Variants in MYO16 observed in about 807,000 individuals in gnomAD.
MYO16 encodes the protein unconventional myosin-XVI.
A neutral mutation model predicts 205.3 loss-of-function variants in MYO16; 94 were observed. The ratio of observed to expected loss-of-function variants is 0.46; its 90% CI spans 0.39 to 0.54. The LOEUF (loss-of-function observed/expected upper bound fraction) is 0.54. MYO16 is among the 20% of genes least tolerant of loss of function. The pLI, the probability that MYO16 is intolerant of heterozygous loss-of-function variation, is 0.00. For synonymous variants in MYO16, 988 were observed against 954.0 expected (o/e 1.04, Z -0.66); for missense variants, 2,315 against 2,387.5 (o/e 0.97, Z 0.63).
Position 108,874,696 on chromosome 13 carries a change from C to CATTATTATT in MYO16, c.1426-8330_1426-8322dup, listed in dbSNP as rs34831399. Reference sequence around the variant, plus strand: ...CAGAGGCAGACAGTTTCATCATCATCATTATTATTATTATTATTATTATTA... The same window carrying CATTATTATT: ...CAGAGGCAGACAGTTTCATCATCATCATTATTATTATTATTATTATTATTATTATTATTA... On this transcript the variant is annotated intron_variant, in intron 12 of 34. Transcript: ENST00000457511. Among the ~76,000 whole-genome samples the CATTATTATT allele has an allele frequency of 1.1e-3, 113 of 106,840 alleles. No individual in the cohort carries two copies. The East Asian group carries it at 0.013, about 12-fold the overall frequency. 70.1% of individuals were successfully genotyped at this position (106,840 alleles called of 152,430 possible).
intron 17 of MYO16, 62 bp from the exon 18 acceptor site, chr13:108,961,477 T>G (rs747096248): frequency 1.7e-5 from 22 of 1,331,694 alleles, no homozygotes; most frequent in Non-Finnish European, 2.0e-5. Flanking sequence ...TATTTAAAAA[T>G]TTTGCCTTTT....
chr13:108,557,710 CTT>C, the MYO16 span, among the ~76,000 whole-genome samples: 1 of 151,922 alleles, frequency 6.6e-6, no homozygotes, highest in African/African-American at 2.4e-5. Context: ...GAAAAGAAAA[CTT>C]TTAATTATAT....
intron 4 of MYO16, among the ~76,000 whole-genome samples, chr13:108,761,052 A>C (rs1885590741): frequency 1.3e-5 from 2 of 152,244 alleles, no homozygotes; most frequent in Admixed American, 6.5e-5. Flanking sequence ...ACGTGTGCAC[A>C]CATGCATCAC....
At chr13:108,625,521 A>G (rs1303640936), upstream of MYO16, among the ~76,000 whole-genome samples, 2 of 152,208 alleles carry the variant, frequency 1.3e-5, no homozygotes, top group Non-Finnish European at 2.9e-5. Flanking sequence ...TTATGTTCCC[A>G]GGAGAGGTCT....
chr13:108,906,757 AG>A (rs1383087669), intron 15 of MYO16, among the ~76,000 whole-genome samples: 1 of 152,162 alleles, frequency 6.6e-6, no homozygotes, highest in African/African-American at 2.4e-5. Flanking sequence ...TTCCTCTTGG[AG>A]TCCAGAGGGG....
intron 10 of MYO16, among the ~76,000 whole-genome samples, chr13:108,844,925 T>A (rs1284546456): frequency 6.6e-6 from 1 of 152,128 alleles, no homozygotes; most frequent in East Asian, 1.9e-4. Context: ...TATCTGTACG[T>A]GTCTGTGTGT....
At chr13:108,967,720 G>A (rs576414349) in intron 20 of MYO16, among the ~76,000 whole-genome samples, 27 of 152,166 alleles carry the variant, frequency 1.8e-4, no homozygotes, top group Non-Finnish European at 2.5e-4. Flanking sequence ...ATATAATGCC[G>A]TATATTTGCT....
At chr13:109,036,825 G>A (rs1054867113) in intron 23 of MYO16, among the ~76,000 whole-genome samples, 1 of 152,210 alleles carries the variant, frequency 6.6e-6, no homozygotes, top group African/African-American at 2.4e-5. Context: ...GTTATGTAAA[G>A]AGAGTGGGGA....
intron 29 of MYO16, among the ~76,000 whole-genome samples, chr13:109,121,871 G>A (rs530681452): frequency 9.2e-4 from 140 of 152,346 alleles, no homozygotes; most frequent in African/African-American, 3.3e-3. Context: ...TTTCTAGTGT[G>A]TGATGACCTG....
intron 6 of MYO16, among the ~76,000 whole-genome samples, chr13:108,806,290 A>G (rs1313373975): frequency 6.6e-6 from 1 of 152,210 alleles, no homozygotes; most frequent in African/African-American, 2.4e-5. Context: ...CACTTTCTAT[A>G]GCACTAATAC....
chr13:108,616,102 A>G (rs1346409443), intron 1 of MYO16, among the ~76,000 whole-genome samples: 1 of 152,192 alleles, frequency 6.6e-6, no homozygotes, highest in African/African-American at 2.4e-5. Flanking sequence ...CCTCCAGGAA[A>G]CTATAAGTTA....
the MYO16 span, among the ~76,000 whole-genome samples, chr13:108,564,959 C>T: frequency 1.3e-5 from 2 of 152,088 alleles, no homozygotes; most frequent in African/African-American, 4.8e-5. Context: ...TGAGTTCACT[C>T]TAGGTGTCTA....
At chr13:109,173,777 C>T (rs1023481579) in intron 33 of MYO16, among the ~76,000 whole-genome samples, 2 of 150,106 alleles carry the variant, frequency 1.3e-5, no homozygotes, top group South Asian at 2.1e-4. Flanking sequence ...CGCCTGTAGT[C>T]CCAGCTACTT....
chr13:108,630,254 A>G (rs564306206), intron 1 of MYO16, among the ~76,000 whole-genome samples: 13 of 152,162 alleles, frequency 8.5e-5, no homozygotes, highest in Admixed American at 8.5e-4. Flanking sequence ...TATATGGCTG[A>G]GGTCATTTAG....
chr13:108,999,880 T>C (rs1336718739), intron 21 of MYO16, among the ~76,000 whole-genome samples: 1 of 152,184 alleles, frequency 6.6e-6, no homozygotes, highest in African/African-American at 2.4e-5. Context: ...CTTTTGTTTG[T>C]ATTTCTCTTA....
At chr13:109,180,107 C>T (rs1163932572) in intron 34 of MYO16, among the ~76,000 whole-genome samples, 1 of 152,060 alleles carries the variant, frequency 6.6e-6, no homozygotes, top group Non-Finnish European at 1.5e-5. Context: ...TAAAATATGA[C>T]ATATGATGAG....
intron 4 of MYO16, among the ~76,000 whole-genome samples, chr13:108,737,903 G>A (rs983970712): frequency 2.0e-5 from 3 of 152,146 alleles, no homozygotes; most frequent in Non-Finnish European, 4.4e-5. Context: ...ATTTCTTCTA[G>A]ATTTTCTAGT....
At chr13:108,659,407 G>A (rs1421812884) in intron 1 of MYO16, 1 of 427,374 alleles carries the variant, frequency 2.3e-6, no homozygotes, top group Non-Finnish European at 4.7e-6. Flanking sequence ...TGGCTTTCAA[G>A]TTTAGTCCTA....
At chr13:108,710,487 G>A (rs865795035) in intron 2 of MYO16, among the ~76,000 whole-genome samples, 16 of 152,134 alleles carry the variant, frequency 1.1e-4, no homozygotes, top group African/African-American at 3.9e-4. Context: ...TGGATTCTAT[G>A]ATATATTATT....
Sources: allele counts gnomAD v4.1 joint callset (sites outside exome capture counted in the v4.1 genomes callset), GRCh38; gene constraint gnomAD v4.1.1; transcripts MANE v1.5; gene names NCBI Gene and HGNC (gene_info 2026-07-23, HGNC 2026-07-21).